The following HDAC9 variants were observed in gnomAD, a reference collection of about 807,000 sequenced individuals.
The protein encoded by HDAC9 is histone deacetylase 9.
HDAC9 carries 41 observed loss-of-function variants against 139.4 expected under a neutral mutation model. That is an observed-to-expected ratio of 0.29 (90% CI 0.23 to 0.38). HDAC9 has a LOEUF of 0.38. Ranked by LOEUF, HDAC9 falls within the 10% of genes least tolerant of loss-of-function variation. The pLI is 1.00. For synonymous variants in HDAC9, 517 were observed against 476.2 expected (o/e 1.09, Z -1.12); for missense variants, 1,147 against 1,297.0 (o/e 0.88, Z 1.78).
At chr7:18,494,178 A>G (rs930035168), upstream of HDAC9, among the ~76,000 whole-genome samples, 1 of 152,104 alleles carries the variant, frequency 6.6e-6, no homozygotes, top group Non-Finnish European at 1.5e-5. Flanking sequence ...TGGAATATAT[A>G]TTTTTTAAAA....
intron 1 of HDAC9, among the ~76,000 whole-genome samples, chr7:18,338,872 A>G (rs1421010271): frequency 6.6e-6 from 1 of 151,500 alleles, no homozygotes; most frequent in East Asian, 1.9e-4. Context: ...GTAGAATTCA[A>G]CAGTCAACTC....
intron 2 of HDAC9, among the ~76,000 whole-genome samples, chr7:18,214,737 A>G (rs1412486008): frequency 6.6e-6 from 1 of 152,130 alleles, no homozygotes; most frequent in Non-Finnish European, 1.5e-5. Flanking sequence ...GTTTTTATTT[A>G]ACAAAGTGAG....
intron 25 of HDAC9, among the ~76,000 whole-genome samples, chr7:18,978,178 G>A (rs1035466683): frequency 6.6e-6 from 1 of 152,152 alleles, no homozygotes; most frequent in Non-Finnish European, 1.5e-5. Flanking sequence ...ATGGAAAAGA[G>A]TGAAGGCAAG....
intron 1 of HDAC9, among the ~76,000 whole-genome samples, chr7:18,417,009 CA>C (rs1318801664): frequency 6.6e-6 from 1 of 152,062 alleles, no homozygotes; most frequent in Non-Finnish European, 1.5e-5. Context: ...TTATAGATTT[CA>C]TTAAATTTAG....
intron 1 of HDAC9, among the ~76,000 whole-genome samples, chr7:18,157,969 A>G (rs1787346664): frequency 6.6e-6 from 1 of 152,180 alleles, no homozygotes; most frequent in Admixed American, 6.5e-5. Context: ...TACTCTATGG[A>G]GGAACCATGG....
In HDAC9 at chr7:18,976,065, C is replaced by T; in HGVS notation, c.3170+112C>T. 9.4e-6 allele frequency: 10 copies of T among 1,066,016 alleles called. 1 individual carries two copies. The South Asian group carries it at 1.6e-4, about 17-fold the overall frequency. 66.0% of individuals were successfully genotyped at this position (1,066,016 alleles called of 1,614,324 possible). On this transcript the variant is annotated intron_variant, in intron 25 of 25. Coordinates refer to ENST00000686413, the MANE Select transcript of HDAC9 (RefSeq NM_178425.4). Reference sequence around the variant, plus strand: ...TCACCTGTCTCCTCCACTTCCACCACCTGTCCTCTCCAAAGCCACAGATGC... The same window carrying T: ...TCACCTGTCTCCTCCACTTCCACCATCTGTCCTCTCCAAAGCCACAGATGC...
intron 21 of HDAC9, among the ~76,000 whole-genome samples, chr7:18,854,381 T>A (rs117555122): frequency 0.011 from 1,681 of 152,280 alleles, 15 homozygotes; most frequent in Non-Finnish European, 0.018. Context: ...CTGTCTTGGC[T>A]ACAGATATTA....
rs150289840 is a variant in HDAC9 at position 18,862,228 on chromosome 7, G to A, written c.2685-12250G>A. ...AAAGATTTTGATCAGCAAGGATGCTGAGCTTCAGGCAACAACTTTTCTTAT... is the reference window on the plus strand; with the variant it reads ...AAAGATTTTGATCAGCAAGGATGCTAAGCTTCAGGCAACAACTTTTCTTAT... On this transcript the variant is annotated intron_variant, in intron 21 of 25. Transcript: ENST00000686413. Among the ~76,000 whole-genome samples, 693 of 152,268 alleles carry A rather than the reference G, an allele frequency of 4.6e-3. 2 individuals are homozygous for A. Among genetic ancestry groups the A allele is most frequent in the Non-Finnish European group, 5.6e-3 (383 of 68,016 alleles).
chr7:18,101,710 A>G (rs959715812), intron 1 of HDAC9, among the ~76,000 whole-genome samples: 4 of 152,226 alleles, frequency 2.6e-5, no homozygotes, highest in Admixed American at 6.5e-5. Context: ...ATTCTATATC[A>G]TGCTTGATGC....
intron 1 of HDAC9, among the ~76,000 whole-genome samples, chr7:18,488,479 T>C (rs1041988431): frequency 1.3e-5 from 2 of 151,994 alleles, no homozygotes; most frequent in Non-Finnish European, 2.9e-5. Context: ...GTATAAAAAT[T>C]GTGTTATAAG....
intron 25 of HDAC9, among the ~76,000 whole-genome samples, chr7:18,978,684 GC>G (rs1192216344): frequency 2.0e-5 from 3 of 152,140 alleles, no homozygotes; most frequent in Non-Finnish European, 4.4e-5. Flanking sequence ...CTACTTAGAA[GC>G]AAGAAGTTTT....
intron 15 of HDAC9, among the ~76,000 whole-genome samples, chr7:18,763,754 A>G (rs1160063089): frequency 6.6e-6 from 1 of 152,142 alleles, no homozygotes; most frequent in African/African-American, 2.4e-5. Context: ...GCATTTAAAC[A>G]TAGGAGACTG....
At chr7:18,241,780 A>G (rs887989601) in intron 2 of HDAC9, among the ~76,000 whole-genome samples, 1 of 152,174 alleles carries the variant, frequency 6.6e-6, no homozygotes, top group East Asian at 1.9e-4. Context: ...CAGTTGAGGT[A>G]TATGTATTAA....
chr7:18,811,850 A>AAGGGAG (rs960601457), intron 17 of HDAC9, among the ~76,000 whole-genome samples: 5 of 151,220 alleles, frequency 3.3e-5, no homozygotes, highest in Non-Finnish European at 5.9e-5. Flanking sequence ...AAAGGAAAGA[A>AAGGGAG]AGGGAGAGGG....
At chr7:18,293,545 G>T (rs1466048605) in intron 1 of HDAC9, among the ~76,000 whole-genome samples, 1 of 152,120 alleles carries the variant, frequency 6.6e-6, no homozygotes, top group African/African-American at 2.4e-5. Flanking sequence ...CAGCTCTTTA[G>T]TACTGGCCAC....
intron 2 of HDAC9, chr7:18,506,150 A>G (rs1799708849): frequency 6.6e-6 from 1 of 152,228 alleles, no homozygotes; most frequent in African/African-American, 2.4e-5. Flanking sequence ...ATAGCATGAT[A>G]ACTGTCTGCT....
chr7:18,255,803 A>G (rs975490514), intron 2 of HDAC9, among the ~76,000 whole-genome samples: 3 of 151,270 alleles, frequency 2.0e-5, no homozygotes, highest in Non-Finnish European at 2.9e-5. Context: ...TAATTTTTGT[A>G]TTTTGGGTAG....
At chr7:18,704,228 C>T (rs1032170780) in intron 12 of HDAC9, among the ~76,000 whole-genome samples, 13 of 152,192 alleles carry the variant, frequency 8.5e-5, no homozygotes, top group African/African-American at 3.1e-4. Context: ...AAGAAAGTAT[C>T]GGATTCACCA....
chr7:18,360,436 A>T (rs918774027), intron 1 of HDAC9, among the ~76,000 whole-genome samples: 1 of 152,018 alleles, frequency 6.6e-6, no homozygotes, highest in African/African-American at 2.4e-5. Flanking sequence ...ATGACTTGTT[A>T]TCCTCATTTT....
Sources: allele counts gnomAD v4.1 joint callset (sites outside exome capture counted in the v4.1 genomes callset), GRCh38; gene constraint gnomAD v4.1.1; transcripts MANE v1.5; gene names NCBI Gene and HGNC (gene_info 2026-07-23, HGNC 2026-07-21).